LRRC40: variants seen among roughly 807,000 people sequenced by gnomAD.
LRRC40 encodes leucine rich repeat containing 40.
LRRC40 carries 76 observed loss-of-function variants against 72.8 expected under a neutral mutation model. The ratio of observed to expected loss-of-function variants is 1.04; its 90% CI spans 0.87 to 1.26. The LOEUF (loss-of-function observed/expected upper bound fraction) is 1.26, where lower values mean the gene tolerates loss of function less well. Among genes scored for constraint, LRRC40 ranks in the 50% most tolerant of loss-of-function variants. The pLI is 0.00. For missense variants in LRRC40, 684 were observed against 698.9 expected (o/e 0.98, Z 0.24); for synonymous variants, 243 against 254.2 (o/e 0.96, Z 0.42).
chr1:70,204,591 T>C (rs1349671848), intron 1 of LRRC40, among the ~76,000 whole-genome samples: 13 of 152,188 alleles, frequency 8.5e-5, no homozygotes, highest in Non-Finnish European at 1.6e-4. Context: ...ATCTACTTTA[T>C]ACATGTCACA....
intron 2 of LRRC40, among the ~76,000 whole-genome samples, chr1:70,187,903 A>AGAAGAGAAG (rs1335200902): frequency 2.0e-5 from 3 of 150,124 alleles, no homozygotes; most frequent in East Asian, 2.0e-4. Flanking sequence ...AGAAGTCATG[A>AGAAGAGAAG]AGTGTTAAGT....
At chr1:70,197,242 TG>T (rs537617495) in intron 1 of LRRC40, among the ~76,000 whole-genome samples, 83 of 11,612 alleles carry the variant, frequency 7.1e-3, no homozygotes, top group African/African-American at 0.029. Context: ...TTATAGATAC[TG>T]GGGGGCGGCG....
intron 12 of LRRC40, 97 bp from the exon 13 acceptor site, chr1:70,151,302 G>A (rs1423954685): frequency 1.5e-6 from 1 of 659,174 alleles, no homozygotes; most frequent in Non-Finnish European, 2.8e-6. Context: ...AAAATATGTA[G>A]ATCAGTTTGT....
At chr1:70,148,883 G>GT (rs1486324187) in intron 13 of LRRC40, among the ~76,000 whole-genome samples, 2 of 152,152 alleles carry the variant, frequency 1.3e-5, no homozygotes, top group Non-Finnish European at 2.9e-5. Flanking sequence ...AGACAGACTT[G>GT]TAACAGTTGC....
chr1:70,159,557 T>A (rs1667712935), intron 9 of LRRC40, 119 bp from the exon 10 acceptor site: 1 of 453,606 alleles, frequency 2.2e-6, no homozygotes. Context: ...AGAATGCCTT[T>A]AGTCATATGC....
At position 70,178,871 on chromosome 1, in the gene LRRC40, G is replaced by C; in HGVS notation, c.784C>G (p.Pro262Ala). Residue 262 changes from proline (P) to alanine (A), a missense_variant, in exon 6 of 15, where the codon CCT becomes GCT. Transcript: ENST00000370952. The stretch of plus-strand genomic sequence containing the variant: ...AGTACCTTCAATAGACTACAAGAAG[G>C]AAATTCTGGTAGAAAACGTAATTTA... The part of the protein sequence containing the change: ...RNKLRFLPEF[P>A]SCSLLKELHV... 1 of 1,593,654 alleles carries C rather than the reference G, an allele frequency of 6.3e-7. No homozygotes were observed. Among genetic ancestry groups the C allele is most frequent in the Non-Finnish European group, 8.6e-7 (1 of 1,165,882 alleles).
intron 3 of LRRC40, among the ~76,000 whole-genome samples, chr1:70,185,243 G>T (rs1182149125): frequency 1.3e-5 from 2 of 152,164 alleles, no homozygotes; most frequent in East Asian, 1.9e-4. Context: ...CACTTAATTT[G>T]TTATACTGTG....
chr1:70,192,615 C>T (rs1668526149), intron 1 of LRRC40, among the ~76,000 whole-genome samples: 1 of 152,112 alleles, frequency 6.6e-6, no homozygotes, highest in African/African-American at 2.4e-5. Flanking sequence ...ACATATACAT[C>T]ATGGAATACT....
intron 9 of LRRC40, among the ~76,000 whole-genome samples, chr1:70,161,147 G>A (rs1052910946): frequency 2.0e-5 from 3 of 151,328 alleles, no homozygotes; most frequent in Non-Finnish European, 2.9e-5. Context: ...GAGTGCAGTG[G>A]CGCGATCTCG....
chr1:70,174,827 AAT>A (rs1668069211), intron 7 of LRRC40, among the ~76,000 whole-genome samples: 1 of 152,140 alleles, frequency 6.6e-6, no homozygotes, highest in Non-Finnish European at 1.5e-5. Context: ...GGGAGATAGA[AAT>A]GTTCTACATG....
Position 70,152,467 on chromosome 1 carries a change from A to G in LRRC40, c.1405T>C (p.Cys469Arg), listed in dbSNP as rs371514782. The change falls in exon 12 of 15, where the codon TGT (cysteine) becomes CGT (arginine). Residue 469 changes from cysteine (C) to arginine (R), a missense_variant. By Grantham distance (180) the Cys-to-Arg change is radical. Coordinates refer to ENST00000370952, the MANE Select transcript of LRRC40 (RefSeq NM_017768.5). ...NKLSFISLEL[C>R]VLQKLTFLDL... ...AAAAAAGTCAATTTCTGAAGCACAC[A>G]TAACTCCAAGGATATAAAGGAAAGT... 6.9e-6 allele frequency: 11 copies of G among 1,603,012 alleles called. No homozygotes were observed. Among genetic ancestry groups the G allele is most frequent in the Non-Finnish European group, 8.5e-6 (10 of 1,170,762 alleles).
At chr1:70,160,207 C>T (rs922281059) in intron 9 of LRRC40, among the ~76,000 whole-genome samples, 7 of 152,152 alleles carry the variant, frequency 4.6e-5, no homozygotes, top group African/African-American at 1.7e-4. Flanking sequence ...ACAGTCCCAG[C>T]ATTAGCACAT....
intron 7 of LRRC40, 129 bp downstream of exon 7, chr1:70,175,681 C>G (rs1668087335): frequency 7.8e-6 from 5 of 639,242 alleles, no homozygotes. Flanking sequence ...TACATAACTA[C>G]TGCTCAATCA....
intron 12 of LRRC40, among the ~76,000 whole-genome samples, chr1:70,152,171 G>A (rs1667514945): frequency 6.6e-6 from 1 of 151,874 alleles, no homozygotes; most frequent in Non-Finnish European, 1.5e-5. Flanking sequence ...GCTTAGAATG[G>A]GTTAATATTT....
chr1:70,176,253 C>A (rs1409301716), intron 6 of LRRC40, among the ~76,000 whole-genome samples: 1 of 152,168 alleles, frequency 6.6e-6, no homozygotes, highest in African/African-American at 2.4e-5. Flanking sequence ...CCAAAGTAGG[C>A]TGGGTGCAGT....
Position 70,184,792 on chromosome 1 carries a change from T to C in LRRC40, c.530A>G (p.Glu177Gly). ...SEGFEQLSNL[E>G]DLDLSNNHLT... ...TGGAAAATCAGAACTTACTAAATCT[T>C]CTAAATTGGAAAGTTGTTCAAATCC... Residue 177 changes from glutamate to glycine, a missense_variant, in exon 4 of 15, where the codon GAA becomes GGA. Coordinates refer to ENST00000370952, the MANE Select transcript of LRRC40 (RefSeq NM_017768.5). 1 of 1,600,670 alleles carries C rather than the reference T, an allele frequency of 6.2e-7. No homozygotes were observed. The highest frequency in any genetic ancestry group is 8.5e-7 in the Non-Finnish European group (1 of 1,176,336).
At chr1:70,197,281 T>A (rs1476392405) in intron 1 of LRRC40, among the ~76,000 whole-genome samples, 2 of 152,060 alleles carry the variant, frequency 1.3e-5, no homozygotes, top group South Asian at 2.1e-4. Flanking sequence ...TAGATGTATT[T>A]TTTTATTTTA....
intron 5 of LRRC40, 116 bp downstream of exon 5, chr1:70,180,970 T>C (rs1668231293): frequency 1.4e-6 from 1 of 710,306 alleles, no homozygotes; most frequent in Non-Finnish European, 2.1e-6. Context: ...TTGTTTGCAT[T>C]TACCACTATA....
At chr1:70,167,243 A>AAG (rs1553213522) in intron 9 of LRRC40, among the ~76,000 whole-genome samples, 6 of 151,576 alleles carry the variant, frequency 4.0e-5, no homozygotes, top group South Asian at 2.1e-4. Context: ...AAAAAAAAAA[A>AAG]AAAAGAAAAA....
Sources: allele counts gnomAD v4.1 joint callset (sites outside exome capture counted in the v4.1 genomes callset), GRCh38; gene constraint gnomAD v4.1.1; transcripts MANE v1.5; gene names NCBI Gene and HGNC (gene_info 2026-07-23, HGNC 2026-07-21).